DLGAP3: variants seen among roughly 807,000 people sequenced by gnomAD.
DLGAP3 encodes the protein DLG associated protein 3.
In DLGAP3, 17 loss-of-function variants were observed where a neutral mutation model predicts 81.2. The ratio of observed to expected loss-of-function variants is 0.21; its 90% CI spans 0.14 to 0.31. The LOEUF (loss-of-function observed/expected upper bound fraction) is 0.31. DLGAP3 is among the 10% of genes least tolerant of loss of function. The probability of loss-of-function intolerance (pLI) is 1.00; values close to 1 mark genes in which losing one functional copy is unlikely to be tolerated. For synonymous variants in DLGAP3, 577 were observed against 587.4 expected, an observed-to-expected ratio of 0.98 and a Z score of 0.26; for missense variants, 1,124 against 1,388.0, an observed-to-expected ratio of 0.81 and a Z score of 3.02.
chr1:34,886,419 A>G (rs1639231244), intron 5 of DLGAP3, 134 bp from the exon 6 acceptor site: 2 of 863,132 alleles, frequency 2.3e-6, no homozygotes, highest in Non-Finnish European at 3.4e-6. Flanking sequence ...TTTGAACTAA[A>G]AGAAACTCTA....
chr1:34,920,547 A>C (rs1265215764), intron 1 of DLGAP3, among the ~76,000 whole-genome samples: 1 of 152,186 alleles, frequency 6.6e-6, no homozygotes, highest in Non-Finnish European at 1.5e-5. Context: ...TTGTGCATGC[A>C]TGTGTTTGTA....
At position 34,900,348 on chromosome 1, in the gene DLGAP3, CA is replaced by C; in HGVS notation, c.1108-76del. The C allele has an allele frequency of 6.8e-7, 1 of 1,468,508 alleles. No homozygotes were observed. The highest frequency in any genetic ancestry group is 1.4e-5 in the African/African-American group (1 of 72,626). 91.0% of individuals were successfully genotyped at this position (1,468,508 alleles called of 1,614,324 possible). On this transcript the variant is annotated intron_variant, in intron 3 of 11. Transcript: ENST00000373347. The surrounding 1 kb of genome is among the most constrained non-coding windows in gnomAD (Gnocchi z 5.6). ...GAGGCCAGGACTCTTTCCCCACTGC[CA>C]GTGGGAGATGCCCTGCCCTGGCTTG...
In DLGAP3 at chr1:34,902,247, C is replaced by T. The variant is rs1403980277; in HGVS notation, c.1108-1974G>A. Reference sequence around the variant, plus strand: ...GATGGGAGCTCCAAAAGGGGTAACGCCTCAGGGACAGCATAGGGTTCAGGG... The same window carrying T: ...GATGGGAGCTCCAAAAGGGGTAACGTCTCAGGGACAGCATAGGGTTCAGGG... On this transcript the variant is annotated intron_variant, in intron 3 of 11. Transcript: ENST00000373347. This position sits in a 1 kb window ranked among gnomAD's most constrained non-coding sequence, Gnocchi z 4.4. 6.6e-6 allele frequency among the ~76,000 whole-genome samples: 1 copy of T among 152,044 alleles called. No individual in the cohort carries two copies. Among genetic ancestry groups the T allele is most frequent in the African/African-American group, 2.4e-5 (1 of 41,392 alleles).
At chr1:34,926,954 G>C (rs1215171078) in intron 1 of DLGAP3, among the ~76,000 whole-genome samples, 1 of 152,190 alleles carries the variant, frequency 6.6e-6, no homozygotes, top group Non-Finnish European at 1.5e-5. Flanking sequence ...AGCTTAGCCA[G>C]CTCGAGCCCC....
intron 8 of DLGAP3, among the ~76,000 whole-genome samples, chr1:34,884,682 C>G (rs1019528405): frequency 1.3e-5 from 2 of 152,148 alleles, no homozygotes; most frequent in East Asian, 1.9e-4. Flanking sequence ...GAGGCCTGCT[C>G]GGCACCTACA....
rs1310636664 is a variant in DLGAP3, at chr1:34,900,175, C to A, written c.1206G>T (p.Gly402=). 2 of 1,614,130 alleles carry A rather than the reference C, an allele frequency of 1.2e-6. No homozygotes were observed. Among genetic ancestry groups the A allele is most frequent in the Non-Finnish European group, 1.7e-6 (2 of 1,180,024 alleles). ...CGTCTGAGTCTCCGCTCTCCTCATC[C>A]CCCATGGCTTTGATGTAGCTGCCGC... ...MRSGSYIKAM[G]DEESGDSDGS... is the part of the protein sequence containing the mutation. The change falls in exon 4 of 12, where the codon GGG becomes GGT. Residue 402 remains glycine (G), a synonymous_variant. Coordinates refer to ENST00000373347, the MANE Select transcript of DLGAP3 (RefSeq NM_001080418.3). The surrounding 1 kb of genome is among the most constrained non-coding windows in gnomAD (Gnocchi z 5.6).
At chr1:34,887,787 T>C (rs1569620804) in intron 5 of DLGAP3, among the ~76,000 whole-genome samples, 1 of 152,162 alleles carries the variant, frequency 6.6e-6, no homozygotes, top group South Asian at 2.1e-4. Context: ...AGTTAAAGTT[T>C]GGGGGCCTCA....
Position 34,880,619 on chromosome 1 carries a change from TA to T in DLGAP3, c.2000+4358del, listed in dbSNP as rs374125126. 3.3e-3 allele frequency among the ~76,000 whole-genome samples: 501 copies of T among 151,786 alleles called. 6 individuals carry two copies. Among genetic ancestry groups the T allele is most frequent in the African/African-American group, 0.011 (463 of 41,378 alleles). The stretch of plus-strand genomic sequence containing the variant: ...GGTGGCAGATGCCTGTAATCCCAGC[TA>T]CTCGGGAGGTGGAAGTTGCAGTGAG... On this transcript the variant is annotated intron_variant, in intron 8 of 11. Transcript: ENST00000373347.
At chr1:34,927,050 T>C (rs1639883138) in intron 1 of DLGAP3, among the ~76,000 whole-genome samples, 1 of 152,006 alleles carries the variant, frequency 6.6e-6, no homozygotes, top group Non-Finnish European at 1.5e-5. Context: ...GTCTGGCCTG[T>C]AGCAGCTCCA....
intron 1 of DLGAP3, among the ~76,000 whole-genome samples, chr1:34,918,396 G>A (rs188755263): frequency 2.0e-5 from 3 of 152,316 alleles, no homozygotes; most frequent in Admixed American, 2.0e-4. Flanking sequence ...AGCTGATGTG[G>A]TCTCAGCCAG....
rs1337423080 is a variant in DLGAP3, at chr1:34,895,228, C to T, written c.1386+4441G>A. ...TAAAAATACAAAAAAATTAGCCAGGCGTGGTGGCGGGCGCCTGTAGTCTCA... is the reference window on the plus strand; with the variant it reads ...TAAAAATACAAAAAAATTAGCCAGGTGTGGTGGCGGGCGCCTGTAGTCTCA... On this transcript the variant is annotated intron_variant, in intron 5 of 11. Coordinates refer to ENST00000373347, the MANE Select transcript of DLGAP3 (RefSeq NM_001080418.3). The surrounding 1 kb of genome is among the most constrained non-coding windows in gnomAD (Gnocchi z 4.5). Among the ~76,000 whole-genome samples the T allele has an allele frequency of 6.6e-6, 1 of 151,922 alleles. No individual in the cohort carries two copies. The highest frequency in any genetic ancestry group is 2.4e-5 in the African/African-American group (1 of 41,438).
intron 1 of DLGAP3, among the ~76,000 whole-genome samples, chr1:34,918,914 G>A (rs1017685653): frequency 6.6e-6 from 1 of 152,172 alleles, no homozygotes; most frequent in African/African-American, 2.4e-5. Flanking sequence ...AGAGGGGTGG[G>A]GGCTTCCACC....
chr1:34,904,691 G>A lies in DLGAP3; in HGVS notation c.693C>T (p.His231=). 1 of 1,613,740 alleles carries A rather than the reference G, an allele frequency of 6.2e-7. No individual in the cohort carries two copies. The highest frequency in any genetic ancestry group is 8.5e-7 in the Non-Finnish European group (1 of 1,179,994). ...TGCCGTGCCGGGACTGGTGGTGGTG[G>A]TGATGGTGGTGGTGATGGTGGTGAT... ...TSHHHHHHHH[H]HHHQSRHGKR... The change falls in exon 3 of 12, where the codon CAC becomes CAT. Residue 231 remains histidine (H), a synonymous_variant. Coordinates refer to ENST00000373347, the MANE Select transcript of DLGAP3 (RefSeq NM_001080418.3). The surrounding 1 kb of genome is among the most constrained non-coding windows in gnomAD (Gnocchi z 8.1).
At chr1:34,901,699 T>A (rs1391479935) in intron 3 of DLGAP3, among the ~76,000 whole-genome samples, 2 of 152,120 alleles carry the variant, frequency 1.3e-5, no homozygotes, top group Non-Finnish European at 2.9e-5. Context: ...GCTCAAGAGA[T>A]CATCTGTGGC....
At position 34,904,807 on chromosome 1, in the gene DLGAP3, G is replaced by C. The variant is rs1356466048; in HGVS notation, c.577C>G (p.Arg193Gly). ...KSHSLEAPGK[R>G]DYNGPKAEGR... Reference sequence around the variant, plus strand: ...TCAGCCTTGGGCCCATTATAGTCCCGCTTCCCCGGCGCCTCCAGAGAGTGG... The same window carrying C: ...TCAGCCTTGGGCCCATTATAGTCCCCCTTCCCCGGCGCCTCCAGAGAGTGG... Residue 193 changes from arginine (R) to glycine (G), a missense_variant, in exon 3 of 12, where the codon CGG becomes GGG. Arg to Gly is a moderately radical substitution (Grantham distance 125, BLOSUM62 -2). This residue lies in a region of DLGAP3 where 65 missense variants were observed against 78.2 expected (regional missense o/e 0.83). Transcript: ENST00000373347. The surrounding 1 kb of genome is among the most constrained non-coding windows in gnomAD (Gnocchi z 8.1). 1 of 1,610,264 alleles carries C rather than the reference G, an allele frequency of 6.2e-7. No homozygotes were observed. Among genetic ancestry groups the C allele is most frequent in the Non-Finnish European group, 8.5e-7 (1 of 1,179,998 alleles).
rs755031193 is a variant in DLGAP3 at position 34,884,972 on chromosome 1, C to A, written c.2000+6G>T. 6.2e-7 allele frequency: 1 copy of A among 1,611,826 alleles called. No homozygotes were observed. The highest frequency in any genetic ancestry group is 2.2e-5 in the East Asian group (1 of 44,846). ...CGAAGCCTGGGCACTCCCACCGTGA[C>A]TTTACCTCTTGTCCTCTTCCACCTG... On this transcript the variant is annotated splice_donor_region_variant and intron_variant, in intron 8 of 11. Transcript: ENST00000373347.
Position 34,904,916 on chromosome 1 carries a change from C to G in DLGAP3, c.468G>C (p.Thr156=), listed in dbSNP as rs747836592. 17 of 1,611,760 alleles carry G rather than the reference C, an allele frequency of 1.1e-5. No homozygotes were observed. The highest frequency in any genetic ancestry group is 1.4e-5 in the Non-Finnish European group (16 of 1,179,926). The change falls in exon 3 of 12, where the codon ACG becomes ACC. Residue 156 remains threonine (T), a synonymous_variant. Coordinates refer to ENST00000373347, the MANE Select transcript of DLGAP3 (RefSeq NM_001080418.3). The surrounding 1 kb of genome is among the most constrained non-coding windows in gnomAD (Gnocchi z 8.1). ...CACTGCGGGGCTCTGGGGCAGTGCCCGTCCCTGGCGCTGGCCCGGGCCCTG... is the reference window on the plus strand; with the variant it reads ...CACTGCGGGGCTCTGGGGCAGTGCCGGTCCCTGGCGCTGGCCCGGGCCCTG... ...AGAGPGPAPG[T]GTAPEPRSES... is the part of the protein sequence containing the mutation.
rs1396749018 is a variant in DLGAP3 at position 34,905,060 on chromosome 1, G to A, written c.324C>T (p.His108=). ...PFDTCEDCVG[H]PQGKGAPRLP... Reference sequence around the variant, plus strand: ...GGCGGGGGGCACCCTTGCCCTGTGGGTGGCCCACACAGTCTTCACAGGTGT... The same window carrying A: ...GGCGGGGGGCACCCTTGCCCTGTGGATGGCCCACACAGTCTTCACAGGTGT... The change falls in exon 3 of 12, where the codon CAC becomes CAT. Residue 108 remains histidine, a synonymous_variant. Transcript: ENST00000373347. 6.3e-7 allele frequency: 1 copy of A among 1,598,312 alleles called. No individual in the cohort carries two copies. Among genetic ancestry groups the A allele is most frequent in the Non-Finnish European group, 8.5e-7 (1 of 1,172,566 alleles).
chr1:34,896,018 T>C (rs1490385964), intron 5 of DLGAP3, among the ~76,000 whole-genome samples: 1 of 151,884 alleles, frequency 6.6e-6, no homozygotes, highest in Non-Finnish European at 1.5e-5. Flanking sequence ...AGGAGAAATA[T>C]TAGAGTAAAT....
Sources: allele counts gnomAD v4.1 joint callset (sites outside exome capture counted in the v4.1 genomes callset), GRCh38; gene constraint gnomAD v4.1.1; regional missense constraint gnomAD v4.1.1; non-coding constraint Gnocchi (gnomAD v3.1); transcripts MANE v1.5; gene names NCBI Gene and HGNC (gene_info 2026-07-23, HGNC 2026-07-21).